DDX11: variants seen among roughly 807,000 people sequenced by gnomAD.
The protein encoded by DDX11 is ATP-dependent DNA helicase DDX11.
In DDX11, 72 loss-of-function variants were observed where a neutral mutation model predicts 125.2. That is an observed-to-expected ratio of 0.58 (90% CI 0.48 to 0.70). The LOEUF (loss-of-function observed/expected upper bound fraction) is 0.70, where lower values mean the gene tolerates loss of function less well. Ranked by LOEUF, DDX11 falls within the 30% of genes least tolerant of loss-of-function variation. DDX11 has a pLI of 0.00. For missense variants in DDX11, 883 were observed against 1,165.0 expected, an observed-to-expected ratio of 0.76 and a Z score of 3.52; for synonymous variants, 347 against 452.6, an observed-to-expected ratio of 0.77 and a Z score of 2.96.
chr12:31,097,155 G>A (rs1410221786), intron 17 of DDX11, among the ~76,000 whole-genome samples, 165 bp downstream of exon 17: 2 of 151,720 alleles, frequency 1.3e-5, no homozygotes, highest in African/African-American at 4.9e-5. Context: ...AAGCAGTGGA[G>A]GTGGATGGGA....
At chr12:31,102,654 G>A in intron 23 of DDX11, 127 bp downstream of exon 23, 1 of 849,362 alleles carries the variant, frequency 1.2e-6, no homozygotes, top group East Asian at 2.6e-5. Flanking sequence ...GCTCAGACCA[G>A]CCAGCTGGAG....
At chr12:31,083,657 G>A in intron 2 of DDX11, among the ~76,000 whole-genome samples, 156 bp from the exon 3 acceptor site, 1 of 152,066 alleles carries the variant, frequency 6.6e-6, no homozygotes, top group Non-Finnish European at 1.5e-5. Context: ...GGCTATTCTA[G>A]TGCTAATTTC....
chr12:31,099,034 C>G (rs1055062809), intron 18 of DDX11, among the ~76,000 whole-genome samples: 8 of 142,920 alleles, frequency 5.6e-5, no homozygotes, highest in East Asian at 2.1e-4. Context: ...GTAGACAGAT[C>G]TAGGAAATGT....
At chr12:31,097,041 G>A in intron 17 of DDX11, 51 bp downstream of exon 17, 1 of 1,608,666 alleles carries the variant, frequency 6.2e-7, no homozygotes, top group Non-Finnish European at 8.5e-7. Context: ...GAGCCAAGCT[G>A]AGCCCGGGAG....
In DDX11 at chr12:31,102,262, G is replaced by A. The variant is rs769910722; in HGVS notation, c.2222G>A (p.Ser741Asn). The A allele has an allele frequency of 1.7e-5, 27 of 1,613,990 alleles. No homozygotes were observed. In the East Asian group the frequency reaches 1.8e-4, roughly 11 times the overall value. Residue 741 changes from serine to asparagine, a missense_variant, in exon 22 of 27, where the codon AGC (serine) becomes AAC (asparagine). Around this residue, in one of 5 missense-constraint regions of DDX11, gnomAD observed 285 missense variants for 346.0 expected, o/e 0.82. Transcript: ENST00000542838. ...TCTCAGATATTCCAGGAACCTAAGAGCGCACACCAGGTGGAGCAGGTGCTG... is the reference window on the plus strand; with the variant it reads ...TCTCAGATATTCCAGGAACCTAAGAACGCACACCAGGTGGAGCAGGTGCTG... ...ARKKIFQEPK[S>N]AHQVEQVLLA...
In DDX11 at chr12:31,104,222, C is replaced by CT; in HGVS notation, c.*386_*387insT. 1 of 838,510 alleles carries CT rather than the reference C, an allele frequency of 1.2e-6. No homozygotes were observed. The highest frequency in any genetic ancestry group is 1.8e-6 in the Non-Finnish European group (1 of 558,632). The allele number at this position is 838,510 out of a possible 1,614,324, so 51.9% of individuals were successfully genotyped here. ...TTCTTAAGAGGCGAGATGGAGCAGG[C>CT]CCATCTGCCTCTGCCCTTTCTAGCC... On this transcript the variant is annotated 3_prime_UTR_variant, in exon 27 of 27. Coordinates refer to ENST00000542838, the MANE Select transcript of DDX11 (RefSeq NM_030653.4).
chr12:31,096,446 G>A (rs988924140), intron 15 of DDX11, 67 bp downstream of exon 15: 2 of 1,613,272 alleles, frequency 1.2e-6, no homozygotes, highest in African/African-American at 2.7e-5. Flanking sequence ...CCCTTGCCAT[G>A]CTTTCCTCCC....
chr12:31,096,671 T>A lies in DDX11; in HGVS notation c.1556T>A (p.Phe519Tyr). Residue 519 changes from phenylalanine (F) to tyrosine (Y), a missense_variant, in exon 16 of 27, where the codon TTC becomes TAC. Coordinates refer to ENST00000542838, the MANE Select transcript of DDX11 (RefSeq NM_030653.4). ...FGFTERYGAV[F>Y]SSREQPKLAG... ...TTCACTGAACGGTACGGAGCAGTGT[T>A]CTCATCCCGGGAGCAGCCCAAACTG... The A allele has an allele frequency of 6.2e-7, 1 of 1,613,926 alleles. No individual in the cohort carries two copies. The highest frequency in any genetic ancestry group is 1.1e-5 in the South Asian group (1 of 91,070).
At chr12:31,089,541 C>T (rs369150903) in intron 8 of DDX11, 51 bp downstream of exon 8, 7 of 1,555,102 alleles carry the variant, frequency 4.5e-6, no homozygotes, top group African/African-American at 1.4e-5. Context: ...GAGAGTGAGG[C>T]AGGGGTGGCA....
intron 2 of DDX11, among the ~76,000 whole-genome samples, chr12:31,081,344 G>A (rs1236696902): frequency 5.3e-5 from 8 of 152,222 alleles, no homozygotes; most frequent in Admixed American, 5.2e-4. Context: ...TGGGGTTTGT[G>A]TTACCTGTTG....
chr12:31,102,446 G>A lies in DDX11; in HGVS notation c.2291G>A (p.Gly764Asp). 1 of 1,614,130 alleles carries A rather than the reference G, an allele frequency of 6.2e-7. No individual in the cohort carries two copies. Among genetic ancestry groups the A allele is most frequent in the Non-Finnish European group, 8.5e-7 (1 of 1,179,994 alleles). Residue 764 changes from glycine (G) to aspartate (D), a missense_variant, in exon 23 of 27, where the codon GGC becomes GAC. Transcript: ENST00000542838. Reference protein sequence around the residue: ...RCIQACGQERGQVTGALLLSV... With the variant: ...RCIQACGQERDQVTGALLLSV... ...CTACAGGCCTGTGGCCAGGAGAGAG[G>A]CCAGGTGACAGGGGCCCTGCTCCTC...
At chr12:31,094,000 G>GT (rs1302120736) in intron 12 of DDX11, among the ~76,000 whole-genome samples, 11 of 150,844 alleles carry the variant, frequency 7.3e-5, no homozygotes, top group African/African-American at 2.7e-4. Context: ...CGCAGTGCTG[G>GT]TATTTGAATC....
At position 31,090,047 on chromosome 12, in the gene DDX11, C is replaced by T. The variant is rs3892690; in HGVS notation, c.1042C>T (p.Arg348Trp). 1.4e-5 allele frequency: 21 copies of T among 1,489,780 alleles called. No individual in the cohort carries two copies. The highest frequency in any genetic ancestry group is 4.2e-5 in the African/African-American group (3 of 71,300). 92.3% of individuals were successfully genotyped at this position (1,489,780 alleles called of 1,614,324 possible). The stretch of plus-strand genomic sequence containing the variant: ...GCTGCTGGCCCTTGGGAAGGAGGCC[C>T]GGGCCTGTCCCTATTACGGGAGCCG... ...EQLLALGKEA[R>W]ACPYYGSRLA... Residue 348 changes from arginine (R) to tryptophan (W), a missense_variant, in exon 9 of 27, where the codon CGG (arginine) becomes TGG (tryptophan). Coordinates refer to ENST00000542838, the MANE Select transcript of DDX11 (RefSeq NM_030653.4).
At chr12:31,099,080 C>CTTTGTTT (rs1467965765) in intron 18 of DDX11, among the ~76,000 whole-genome samples, 1 of 81,328 alleles carries the variant, frequency 1.2e-5, no homozygotes, top group Non-Finnish European at 2.2e-5. Flanking sequence ...TTCTTTCTTT[C>CTTTGTTT]TTTCTTTTTT....
intron 2 of DDX11, among the ~76,000 whole-genome samples, chr12:31,080,842 A>G (rs750589745): frequency 6.6e-6 from 1 of 152,196 alleles, no homozygotes; most frequent in Non-Finnish European, 1.5e-5. Flanking sequence ...CCTTCTGGCA[A>G]CAAGTGATCT....
At position 31,084,140 on chromosome 12, in the gene DDX11, T is replaced by C. The variant is rs1942575415; in HGVS notation, c.393+79T>C. ...GATTGTTCTGGGGCGATTCCGAGAC[T>C]CAGGCAGTGCATGCTCCCCTGCCGT... On this transcript the variant is annotated intron_variant, in intron 3 of 26. Coordinates refer to ENST00000542838, the MANE Select transcript of DDX11 (RefSeq NM_030653.4). 3.8e-6 allele frequency: 6 copies of C among 1,574,408 alleles called. No individual in the cohort carries two copies. The South Asian group carries it at 6.7e-5, about 18-fold the overall frequency.
At chr12:31,086,206 G>A (rs900592538) in intron 5 of DDX11, 1 of 442,994 alleles carries the variant, frequency 2.3e-6, no homozygotes, top group African/African-American at 2.0e-5. Context: ...TTTAAGGCCT[G>A]GCTCAGGTGT....
Position 31,083,955 on chromosome 12 carries a change from C to T in DDX11, c.287C>T (p.Ser96Phe). Reference protein sequence around the residue: ...DEKDESLCLSSSCEGAAGTPR... With the variant: ...DEKDESLCLSFSCEGAAGTPR... ...AAAGATGAATCCCTGTGTCTGTCTT[C>T]TTCCTGCGAAGGGGCTGCAGGCACC... Residue 96 changes from serine to phenylalanine, a missense_variant, in exon 3 of 27, where the codon TCT becomes TTT. Transcript: ENST00000542838. 6.2e-7 allele frequency: 1 copy of T among 1,613,970 alleles called. No individual in the cohort carries two copies. Among genetic ancestry groups the T allele is most frequent in the Non-Finnish European group, 8.5e-7 (1 of 1,179,870 alleles).
At chr12:31,078,191 C>G (rs1367360277) in intron 1 of DDX11, 199 bp from the exon 2 acceptor site, 17 of 1,517,614 alleles carry the variant, frequency 1.1e-5, no homozygotes, top group Non-Finnish European at 1.5e-5. Context: ...TTAAATGCCG[C>G]TAGATGGAGT....
Sources: allele counts gnomAD v4.1 joint callset (sites outside exome capture counted in the v4.1 genomes callset), GRCh38; gene constraint gnomAD v4.1.1; regional missense constraint gnomAD v4.1.1; transcripts MANE v1.5; gene names NCBI Gene and HGNC (gene_info 2026-07-23, HGNC 2026-07-21).